CNGB1: variants seen among roughly 807,000 people sequenced by gnomAD.
CNGB1 encodes cyclic nucleotide gated channel subunit beta 1, also known as cyclic nucleotide-gated channel beta-1.
CNGB1 carries 126 observed loss-of-function variants against 151.7 expected under a neutral mutation model. The ratio of observed to expected loss-of-function variants is 0.83; its 90% confidence interval spans 0.72 to 0.96. The LOEUF (loss-of-function observed/expected upper bound fraction) is 0.96. Ranked by LOEUF, CNGB1 falls within the 40% of genes least tolerant of loss-of-function variation. The probability of loss-of-function intolerance (pLI) is 0.00; values close to 1 mark genes in which losing one functional copy is unlikely to be tolerated. For missense variants in CNGB1, 1,698 were observed against 1,627.0 expected, an observed-to-expected ratio of 1.04 and a Z score of -0.75; for synonymous variants, 623 against 635.1, an observed-to-expected ratio of 0.98 and a Z score of 0.29.
At chr16:57,949,022 A>T (rs995321973) in intron 14 of CNGB1, among the ~76,000 whole-genome samples, 7 of 151,786 alleles carry the variant, frequency 4.6e-5, no homozygotes, top group Non-Finnish European at 7.4e-5. Flanking sequence ...GACAACTAAC[A>T]TTTATTTGGT....
At chr16:57,900,200 G>A (rs1251686706) in intron 29 of CNGB1, among the ~76,000 whole-genome samples, 1 of 152,222 alleles carries the variant, frequency 6.6e-6, no homozygotes, top group Non-Finnish European at 1.5e-5. Flanking sequence ...AGGGGCTCCA[G>A]TGTCAGGCAG....
intron 32 of CNGB1, among the ~76,000 whole-genome samples, chr16:57,886,816 G>A (rs994372466): frequency 2.0e-5 from 3 of 152,296 alleles, no homozygotes; most frequent in African/African-American, 7.2e-5. Flanking sequence ...TCCCCCATAG[G>A]TTTATGGGGG....
At chr16:57,954,191 A>G (rs980417265) in intron 12 of CNGB1, among the ~76,000 whole-genome samples, 1 of 151,692 alleles carries the variant, frequency 6.6e-6, no homozygotes, top group Non-Finnish European at 1.5e-5. Flanking sequence ...AAGTCCCACC[A>G]CTCTCCTGTA....
At chr16:57,935,178 C>T (rs2149373956) in intron 16 of CNGB1, among the ~76,000 whole-genome samples, 1 of 152,180 alleles carries the variant, frequency 6.6e-6, no homozygotes, top group South Asian at 2.1e-4. Flanking sequence ...GCAGGCCCAG[C>T]TTCGAGCCTG....
chr16:57,955,418 G>C, intron 12 of CNGB1: 1 of 1,439,188 alleles, frequency 6.9e-7, no homozygotes, highest in Non-Finnish European at 9.6e-7. Flanking sequence ...CAGGCGGAGG[G>C]AATGAGTGAG....
intron 1 of CNGB1, 102 bp from the exon 2 acceptor site, chr16:57,967,396 A>G (rs1962427744): frequency 7.8e-7 from 1 of 1,279,622 alleles, no homozygotes; most frequent in East Asian, 2.4e-5. Context: ...TCCTTCATCA[A>G]CTTTAAAAAC....
intron 16 of CNGB1, among the ~76,000 whole-genome samples, chr16:57,935,654 A>C (rs1013019030): frequency 2.0e-4 from 30 of 151,864 alleles, no homozygotes; most frequent in African/African-American, 4.8e-4. Flanking sequence ...TCCCCCCCCA[A>C]AAAAAAATAG....
rs1085307840 is a variant in CNGB1, at chr16:57,919,101, G to A, written c.1955C>T (p.Thr652Ile). The A allele has an allele frequency of 6.2e-7, 1 of 1,614,196 alleles. No individual in the cohort carries two copies. Among genetic ancestry groups the A allele is most frequent in the South Asian group, 1.1e-5 (1 of 91,082 alleles). ...AACACCCATTCCCCAGGACTCACTGGTCAGCGGGTCAATGCTCTGGGGAAA... is the reference window on the plus strand; with the variant it reads ...AACACCCATTCCCCAGGACTCACTGATCAGCGGGTCAATGCTCTGGGGAAA... ...YQFPQSIDPL[T>I]NLMYVLWLFF... The change falls in exon 20 of 33, where the codon ACC (threonine) becomes ATC (isoleucine). Residue 652 changes from threonine (T) to isoleucine (I), a missense_variant and splice_region_variant. By Grantham distance (89) the Thr-to-Ile change is moderately conservative (BLOSUM62 -1). Transcript: ENST00000251102.
At position 57,884,439 on chromosome 16, in the gene CNGB1, C is replaced by T. The variant is rs759022981; in HGVS notation, c.3481G>A (p.Val1161Ile). 4 of 1,613,610 alleles carry T rather than the reference C, an allele frequency of 2.5e-6. No individual in the cohort carries two copies. The South Asian group carries it at 3.3e-5, about 13-fold the overall frequency. ...LVEQAKSSQD[V>I]KGEEGSAAPD... Reference sequence around the variant, plus strand: ...GCGGCGGAGCCTTCCTCTCCCTTGACGTCTTGCGAGCTCTTGGCCTGGAAT... The same window carrying T: ...GCGGCGGAGCCTTCCTCTCCCTTGATGTCTTGCGAGCTCTTGGCCTGGAAT... The change falls in exon 33 of 33, where the codon GTC (valine) becomes ATC (isoleucine). Residue 1161 changes from valine (V) to isoleucine (I), a missense_variant. Physicochemically the swap from Val to Ile is conservative, Grantham distance 29 (BLOSUM62 3). Coordinates refer to ENST00000251102, the MANE Select transcript of CNGB1 (RefSeq NM_001297.5).
At chr16:57,893,175 G>A (rs1960139606) in intron 31 of CNGB1, among the ~76,000 whole-genome samples, 1 of 152,172 alleles carries the variant, frequency 6.6e-6, no homozygotes, top group Admixed American at 6.6e-5. Context: ...TACAAGACAA[G>A]GAGGAAAACC....
chr16:57,964,445 C>T lies in CNGB1; in HGVS notation c.217+42G>A, dbSNP rs1555494342. On this transcript the variant is annotated intron_variant, in intron 3 of 32. Coordinates refer to ENST00000251102, the MANE Select transcript of CNGB1 (RefSeq NM_001297.5). Reference sequence around the variant, plus strand: ...TGCGGCTCCGAGGGGAGAATGCGGGCCCCCCTGCCATGCCAGCCTGGGCTT... The same window carrying T: ...TGCGGCTCCGAGGGGAGAATGCGGGTCCCCCTGCCATGCCAGCCTGGGCTT... 4.4e-6 allele frequency: 7 copies of T among 1,608,924 alleles called. No individual in the cohort carries two copies. In the Admixed American group the frequency reaches 6.7e-5, roughly 15 times the overall value.
intron 20 of CNGB1, among the ~76,000 whole-genome samples, chr16:57,918,752 T>C (rs1219388825): frequency 6.6e-6 from 1 of 152,186 alleles, no homozygotes; most frequent in East Asian, 1.9e-4. Context: ...TAGGTTGGAA[T>C]GCAATTGTGC....
Position 57,950,925 on chromosome 16 carries a change from C to T in CNGB1, c.875-385G>A, listed in dbSNP as rs142686642. Among the ~76,000 whole-genome samples the T allele has an allele frequency of 9.7e-4, 147 of 152,274 alleles. 1 individual carries two copies. Among genetic ancestry groups the T allele is most frequent in the African/African-American group, 3.3e-3 (138 of 41,512 alleles). ...GGTTCAGGGTCCACCTGGCCACATCCAGGTGCAGGTGGACTGGATTGTCCT... is the reference window on the plus strand; with the variant it reads ...GGTTCAGGGTCCACCTGGCCACATCTAGGTGCAGGTGGACTGGATTGTCCT... On this transcript the variant is annotated intron_variant, in intron 12 of 32. Coordinates refer to ENST00000251102, the MANE Select transcript of CNGB1 (RefSeq NM_001297.5).
chr16:57,949,309 C>T (rs773676403), intron 14 of CNGB1, 44 bp downstream of exon 14: 85 of 1,602,734 alleles, frequency 5.3e-5, no homozygotes, highest in Admixed American at 1.7e-5. Context: ...CTCAGCCAAC[C>T]CCAGCCCCAG....
intron 13 of CNGB1, 115 bp downstream of exon 13, chr16:57,950,266 G>A: frequency 3.2e-6 from 4 of 1,262,272 alleles, no homozygotes; most frequent in Non-Finnish European, 4.6e-6. Flanking sequence ...ATGAAGGCAG[G>A]GGGAAGCAGG....
intron 6 of CNGB1, 80 bp from the exon 7 acceptor site, chr16:57,962,690 C>A: frequency 6.4e-7 from 1 of 1,565,752 alleles, no homozygotes; most frequent in Non-Finnish European, 8.8e-7. Flanking sequence ...GAGTGGGCAC[C>A]GAGAGCTCAG....
intron 18 of CNGB1, among the ~76,000 whole-genome samples, chr16:57,921,292 G>A (rs1242560507): frequency 1.4e-5 from 2 of 144,498 alleles, no homozygotes; most frequent in Non-Finnish European, 3.0e-5. Flanking sequence ...GTATGACCTC[G>A]GCTCAGTCAA....
chr16:57,887,652 G>A (rs2033249), intron 32 of CNGB1, among the ~76,000 whole-genome samples: 57,916 of 151,912 alleles, frequency 0.38, 11,987 homozygotes, highest in Non-Finnish European at 0.47. Context: ...TGAACTTTTC[G>A]ATTACGTGAC....
rs2303785 is a variant in CNGB1 at position 57,903,884 on chromosome 16, T to C, written c.2732A>G (p.Lys911Arg). 176,414 of 1,613,980 alleles carry C rather than the reference T, an allele frequency of 0.11. 10,337 individuals are homozygous for C. The highest frequency in any genetic ancestry group is 0.15 in the Admixed American group (9,092 of 60,002). ...GGTCTTGACGCGGTTCTGCACGGAC[T>C]TGGGGATCTTGTAGAAATTCATGTA... The part of the protein sequence containing the change: ...VKYMNFYKIP[K>R]SVQNRVKTWY... The change falls in exon 27 of 33, where the codon AAG (lysine) becomes AGG (arginine). Residue 911 changes from lysine to arginine, a missense_variant. By Grantham distance (26) the Lys-to-Arg change is conservative. Coordinates refer to ENST00000251102, the MANE Select transcript of CNGB1 (RefSeq NM_001297.5).
Sources: gnomAD v4.1 joint callset for allele counts (sites outside exome capture counted in the v4.1 genomes callset) on GRCh38, gnomAD v4.1.1 for gene constraint, MANE v1.5 for transcripts, NCBI Gene and HGNC (gene_info 2026-07-23, HGNC 2026-07-21) for gene names.